Variants in ABLIM1 observed in about 807,000 individuals in gnomAD.
ABLIM1 encodes actin-binding LIM protein 1.
Under a neutral mutation model 107.0 loss-of-function variants are expected in ABLIM1, and 40 were observed. The ratio of observed to expected loss-of-function variants is 0.37; its 90% CI spans 0.29 to 0.49. The LOEUF (loss-of-function observed/expected upper bound fraction) is 0.49. Ranked by LOEUF, ABLIM1 falls within the 20% of genes least tolerant of loss-of-function variation. The pLI, the probability that ABLIM1 is intolerant of heterozygous loss-of-function variation, is 0.97. For synonymous variants in ABLIM1, 357 were observed against 357.3 expected, an observed-to-expected ratio of 1.00 and a Z score of 0.01; for missense variants, 857 against 1,008.5, an observed-to-expected ratio of 0.85 and a Z score of 2.04.
intron 2 of ABLIM1, among the ~76,000 whole-genome samples, chr10:114,576,016 C>T (rs1219915169): frequency 2.9e-4 from 44 of 152,114 alleles, no homozygotes; most frequent in Admixed American, 2.9e-3. Context: ...TCCATTATAC[C>T]AAAGGCAGTA....
At chr10:114,547,991 C>T (rs549281293) in intron 4 of ABLIM1, among the ~76,000 whole-genome samples, 128 of 152,308 alleles carry the variant, frequency 8.4e-4, no homozygotes, top group African/African-American at 3.0e-3. Context: ...GCTTCATGAA[C>T]CTCCGTGGAT....
chr10:114,745,638 G>A (rs1361874832), intron 1 of ABLIM1, among the ~76,000 whole-genome samples: 1 of 152,068 alleles, frequency 6.6e-6, no homozygotes, highest in Non-Finnish European at 1.5e-5. Context: ...GAGAGGCCAA[G>A]GTGGGCAGAT....
chr10:114,637,006 C>T (rs1210594508), intron 1 of ABLIM1, among the ~76,000 whole-genome samples: 5 of 145,450 alleles, frequency 3.4e-5, no homozygotes, highest in Non-Finnish European at 4.5e-5. Context: ...GCACTCCAGC[C>T]GGGGCAACAG....
At chr10:114,570,001 C>T (rs1263010020) in intron 4 of ABLIM1, among the ~76,000 whole-genome samples, 1 of 152,200 alleles carries the variant, frequency 6.6e-6, no homozygotes, top group Non-Finnish European at 1.5e-5. Flanking sequence ...AAGTATAACA[C>T]TTCTCTCTAA....
intron 4 of ABLIM1, among the ~76,000 whole-genome samples, chr10:114,552,817 G>A (rs558055011): frequency 6.6e-6 from 1 of 152,338 alleles, no homozygotes; most frequent in South Asian, 2.1e-4. Context: ...AAGAGATCAT[G>A]CATGGTAAAG....
At chr10:114,783,040 G>A in the ABLIM1 span, among the ~76,000 whole-genome samples, 1 of 152,086 alleles carries the variant, frequency 6.6e-6, no homozygotes, top group Non-Finnish European at 1.5e-5. Flanking sequence ...CCAGAACTTT[G>A]GGAGGCCGAG....
chr10:114,465,983 A>G (rs1454937294), intron 11 of ABLIM1, among the ~76,000 whole-genome samples, 156 bp from the exon 12 acceptor site: 1 of 152,238 alleles, frequency 6.6e-6, no homozygotes, highest in African/African-American at 2.4e-5. Context: ...GGTATTTTAT[A>G]TGCAAATAAG....
rs538342048 is a variant in ABLIM1, at chr10:114,434,213, C to A, written c.*2047G>T. On this transcript the variant is annotated 3_prime_UTR_variant, in exon 23 of 23. Coordinates refer to ENST00000533213, the MANE Select transcript of ABLIM1 (RefSeq NM_002313.7). The stretch of plus-strand genomic sequence containing the variant: ...AACTGCAGTGTGGCTTCCAACCAAG[C>A]AAGAGCTGGTCTCATCTGCTCATGG... 5 of 151,826 alleles carry A rather than the reference C, an allele frequency of 3.3e-5. No homozygotes were observed. In the South Asian group the frequency reaches 1.0e-3, roughly 32 times the overall value. The allele number at this position is 151,826 out of a possible 1,614,324, so 9.4% of individuals were successfully genotyped here. A position where few individuals can be genotyped will look rare whatever the true frequency, so the allele number is the denominator to read the frequency against.
chr10:114,656,421 T>C (rs2079524051), intron 1 of ABLIM1, among the ~76,000 whole-genome samples: 2 of 152,178 alleles, frequency 1.3e-5, no homozygotes, highest in Non-Finnish European at 2.9e-5. Flanking sequence ...TTAGACATAG[T>C]TATTATATGA....
chr10:114,761,701 C>T (rs1447498621), intron 1 of ABLIM1, among the ~76,000 whole-genome samples: 2 of 152,122 alleles, frequency 1.3e-5, no homozygotes, highest in Non-Finnish European at 2.9e-5. Flanking sequence ...CTCTCCATCT[C>T]CCAACTCCAC....
chr10:114,526,600 A>G, intron 6 of ABLIM1: 1 of 984,872 alleles, frequency 1.0e-6, no homozygotes, highest in Non-Finnish European at 1.2e-6. Context: ...GAAGCCAGAA[A>G]TCTCACATCT....
At chr10:114,742,343 T>C (rs149053377) in intron 1 of ABLIM1, among the ~76,000 whole-genome samples, 358 of 152,284 alleles carry the variant, frequency 2.4e-3, no homozygotes, top group African/African-American at 7.9e-3. Context: ...AAAGTCTCTC[T>C]AAGGACTAAA....
chr10:114,475,862 T>TC (rs2056296694), intron 8 of ABLIM1, among the ~76,000 whole-genome samples: 1 of 152,182 alleles, frequency 6.6e-6, no homozygotes, highest in South Asian at 2.1e-4. Context: ...GAACACTTCC[T>TC]CCCCTCTGTT....
At chr10:114,500,348 A>T (rs2060222289) in intron 6 of ABLIM1, among the ~76,000 whole-genome samples, 1 of 152,156 alleles carries the variant, frequency 6.6e-6, no homozygotes. Flanking sequence ...TCTAGACTGA[A>T]AATTGGACTT....
Position 114,512,959 on chromosome 10 carries a change from C to T in ABLIM1, c.895-21081G>A, listed in dbSNP as rs555070138. ...AAGCAAGCAAGCAAGCCGAATTTTG[C>T]TTTTATTACTTATATACCAAAACTC... On this transcript the variant is annotated intron_variant, in intron 6 of 22. Coordinates refer to ENST00000533213, the MANE Select transcript of ABLIM1 (RefSeq NM_002313.7). Among the ~76,000 whole-genome samples, 4 of 151,958 alleles carry T rather than the reference C, an allele frequency of 2.6e-5. No homozygotes were observed. In the East Asian group the frequency reaches 7.7e-4, roughly 29 times the overall value.
intron 1 of ABLIM1, among the ~76,000 whole-genome samples, chr10:114,697,407 C>A (rs34084269): frequency 6.6e-6 from 1 of 152,224 alleles, no homozygotes; most frequent in Non-Finnish European, 1.5e-5. Context: ...GGAGCTGGCA[C>A]GCGGTTTTCG....
intron 4 of ABLIM1, among the ~76,000 whole-genome samples, chr10:114,549,520 T>C (rs1030639490): frequency 4.1e-4 from 63 of 152,134 alleles, no homozygotes; most frequent in Admixed American, 2.0e-4. Context: ...TTTAACCCGT[T>C]CTTTTTCTTT....
intron 2 of ABLIM1, among the ~76,000 whole-genome samples, chr10:114,588,184 T>A (rs1054807765): frequency 6.6e-6 from 1 of 152,104 alleles, no homozygotes; most frequent in East Asian, 1.9e-4. Flanking sequence ...TGCAGAAAAA[T>A]TGTACGATAG....
At chr10:114,543,696 C>T (rs1003554239) in intron 6 of ABLIM1, among the ~76,000 whole-genome samples, 5 of 152,230 alleles carry the variant, frequency 3.3e-5, no homozygotes, top group Admixed American at 3.3e-4. Context: ...CTTCCTACCG[C>T]TTTTAGGGTA....
Sources: allele counts gnomAD v4.1 joint callset (sites outside exome capture counted in the v4.1 genomes callset), GRCh38; gene constraint gnomAD v4.1.1; transcripts MANE v1.5; gene names NCBI Gene and HGNC (gene_info 2026-07-23, HGNC 2026-07-21).